The following COL22A1 variants were observed in gnomAD, a reference collection of about 807,000 sequenced individuals.
The protein encoded by COL22A1 is collagen type XXII alpha 1 chain, also known as collagen alpha-1(XXII) chain.
Under a neutral mutation model 248.9 loss-of-function variants are expected in COL22A1, and 221 were observed. That is an observed-to-expected ratio of 0.89 (90% CI 0.80 to 0.99). The LOEUF (loss-of-function observed/expected upper bound fraction) is 0.99. Among genes scored for constraint, COL22A1 ranks in the 50% least tolerant of loss-of-function variants. The probability of loss-of-function intolerance (pLI) is 0.00; values close to 1 mark genes in which losing one functional copy is unlikely to be tolerated. For synonymous variants in COL22A1, 891 were observed against 793.4 expected (o/e 1.12, Z -2.07); for missense variants, 2,240 against 2,179.0 (o/e 1.03, Z -0.56).
chr8:138,711,840 C>T (rs1214445571), intron 30 of COL22A1, among the ~76,000 whole-genome samples: 1 of 152,174 alleles, frequency 6.6e-6, no homozygotes, highest in Non-Finnish European at 1.5e-5. Context: ...TGCCATTCCT[C>T]CTGAGGCAGC....
chr8:138,877,661 G>T, intron 3 of COL22A1, 89 bp downstream of exon 3: 1 of 1,325,982 alleles, frequency 7.5e-7, no homozygotes, highest in Non-Finnish European at 1.0e-6. Flanking sequence ...GCCGGCCGTA[G>T]GATCCCTATC....
chr8:138,676,723 C>T (rs1825588232), intron 40 of COL22A1, 88 bp from the exon 41 acceptor site: 2 of 1,021,778 alleles, frequency 2.0e-6, no homozygotes, highest in African/African-American at 1.6e-5. Flanking sequence ...CTTCTAGAAT[C>T]CTGACTGCAG....
intron 35 of COL22A1, among the ~76,000 whole-genome samples, chr8:138,691,678 T>G (rs1197342831): frequency 7.9e-6 from 1 of 126,568 alleles, no homozygotes; most frequent in Non-Finnish European, 1.7e-5. Context: ...TGTGTATATG[T>G]GTACAGTGCA....
Position 138,780,928 on chromosome 8 carries a change from C to T in COL22A1, c.1649G>A (p.Arg550Lys). 1 of 1,613,562 alleles carries T rather than the reference C, an allele frequency of 6.2e-7. No homozygotes were observed. The highest frequency in any genetic ancestry group is 8.5e-7 in the Non-Finnish European group (1 of 1,179,560). ...PPGRDGSKGM[R>K]GEPGELGEPG... is the part of the protein sequence containing the mutation. ...CAGGGCAGACGGAACAGAACTTACT[C>T]TCATGCCTTTGCTGCCGTCTCTCCC... is the stretch of plus-strand genomic sequence containing the variant. Residue 550 changes from arginine to lysine, a missense_variant and splice_region_variant, in exon 13 of 65, where the codon AGA becomes AAA. Transcript: ENST00000303045.
chr8:138,591,184 A>T (rs1817002682), intron 64 of COL22A1, among the ~76,000 whole-genome samples: 1 of 152,168 alleles, frequency 6.6e-6, no homozygotes, highest in African/African-American at 2.4e-5. Flanking sequence ...ATGAAATTTT[A>T]AACTCGCGGG....
chr8:138,700,520 C>T (rs2130974321), intron 31 of COL22A1, among the ~76,000 whole-genome samples: 1 of 152,320 alleles, frequency 6.6e-6, no homozygotes, highest in South Asian at 2.1e-4. Flanking sequence ...ATGTCTCCTT[C>T]TCACTACTGC....
At chr8:138,714,565 A>G in intron 30 of COL22A1, among the ~76,000 whole-genome samples, 1 of 151,762 alleles carries the variant, frequency 6.6e-6, no homozygotes, top group Non-Finnish European at 1.5e-5. Flanking sequence ...GTCCTTTCCC[A>G]CTCTTGCTCT....
At chr8:138,911,981 G>A (rs900315899) in intron 1 of COL22A1, among the ~76,000 whole-genome samples, 4 of 152,138 alleles carry the variant, frequency 2.6e-5, no homozygotes, top group South Asian at 2.1e-4. Flanking sequence ...GTAGCACAGC[G>A]ACAAGGAAAT....
At chr8:138,687,911 G>A (rs1826491792) in intron 37 of COL22A1, among the ~76,000 whole-genome samples, 1 of 152,196 alleles carries the variant, frequency 6.6e-6, no homozygotes, top group Admixed American at 6.5e-5. Flanking sequence ...ACTCCCCTTA[G>A]TGGTGACAAC....
chr8:138,822,457 G>A (rs1819225503), intron 6 of COL22A1, among the ~76,000 whole-genome samples: 1 of 152,190 alleles, frequency 6.6e-6, no homozygotes. Context: ...CAGGCAACAT[G>A]CCAGGTGTCA....
chr8:138,878,005 C>G lies in COL22A1; in HGVS notation c.403G>C (p.Gly135Arg), dbSNP rs888174754. Reference sequence around the variant, plus strand: ...TTGTAGGCGCGGTCCCTGGGGCGGCCGCCGGCGTGTGGGGAGAAGCTGCGG... The same window carrying G: ...TTGTAGGCGCGGTCCCTGGGGCGGCGGCCGGCGTGTGGGGAGAAGCTGCGG... ...TARSFSPHAG[G>R]RPRDRAYKQV... The change falls in exon 3 of 65, where the codon GGC becomes CGC. Residue 135 changes from glycine to arginine, a missense_variant. By Grantham distance (125) the Gly-to-Arg change is moderately radical. Coordinates refer to ENST00000303045, the MANE Select transcript of COL22A1 (RefSeq NM_152888.3). 17 of 1,582,350 alleles carry G rather than the reference C, an allele frequency of 1.1e-5. No homozygotes were observed. Among genetic ancestry groups the G allele is most frequent in the Non-Finnish European group, 1.5e-5 (17 of 1,164,528 alleles).
chr8:138,763,587 G>A (rs1316140482), intron 16 of COL22A1, among the ~76,000 whole-genome samples: 5 of 152,052 alleles, frequency 3.3e-5, no homozygotes, highest in African/African-American at 1.2e-4. Context: ...TTCCAGGTGG[G>A]CTGCAAGAAC....
chr8:138,744,481 CCA>C (rs60847304), intron 22 of COL22A1, among the ~76,000 whole-genome samples: 3,601 of 148,200 alleles, frequency 0.024, 109 homozygotes, highest in African/African-American at 0.068. Context: ...CACACACACA[CCA>C]CACACACACA....
At chr8:138,623,192 C>G (rs901421146) in intron 52 of COL22A1, among the ~76,000 whole-genome samples, 3 of 149,688 alleles carry the variant, frequency 2.0e-5, no homozygotes, top group Non-Finnish European at 4.4e-5. Flanking sequence ...AAACCAAAAC[C>G]AAAATGAGAA....
intron 3 of COL22A1, among the ~76,000 whole-genome samples, chr8:138,868,270 C>A (rs181916950): frequency 6.6e-6 from 1 of 152,156 alleles, no homozygotes; most frequent in African/African-American, 2.4e-5. Flanking sequence ...TCATACATCC[C>A]GAGTCAGGGG....
chr8:138,678,752 C>T (rs1024959153), intron 40 of COL22A1, among the ~76,000 whole-genome samples: 3 of 151,980 alleles, frequency 2.0e-5, no homozygotes, highest in Non-Finnish European at 4.4e-5. Flanking sequence ...CAACCTCATC[C>T]TGTGACCTTC....
At chr8:138,662,228 G>A (rs1488769602) in intron 42 of COL22A1, 145 bp from the exon 43 acceptor site, 1 of 641,576 alleles carries the variant, frequency 1.6e-6, no homozygotes, top group Non-Finnish European at 2.7e-6. Flanking sequence ...AAAGCACCCT[G>A]CTCAGAGCTT....
intron 30 of COL22A1, among the ~76,000 whole-genome samples, chr8:138,711,239 C>T (rs1828939594): frequency 6.6e-6 from 1 of 152,204 alleles, no homozygotes; most frequent in African/African-American, 2.4e-5. Flanking sequence ...ACACCCTTCC[C>T]TGATGCTGTG....
chr8:138,663,148 CT>C (rs1339879279), intron 42 of COL22A1, among the ~76,000 whole-genome samples: 1 of 152,200 alleles, frequency 6.6e-6, no homozygotes, highest in Non-Finnish European at 1.5e-5. Flanking sequence ...GCTATTTCCC[CT>C]GGGGTGAATT....
Sources: allele counts gnomAD v4.1 joint callset (sites outside exome capture counted in the v4.1 genomes callset), GRCh38; gene constraint gnomAD v4.1.1; transcripts MANE v1.5; gene names NCBI Gene and HGNC (gene_info 2026-07-23, HGNC 2026-07-21).